PRDM6: variants seen among roughly 807,000 people sequenced by gnomAD.
PRDM6 encodes the protein PR/SET domain 6, also known as putative histone-lysine N-methyltransferase PRDM6.
Under a neutral mutation model 60.8 loss-of-function variants are expected in PRDM6, and 25 were observed. That is an observed-to-expected ratio of 0.41 (90% CI 0.30 to 0.57). The LOEUF (loss-of-function observed/expected upper bound fraction) is 0.57, where lower values mean the gene tolerates loss of function less well. Among genes scored for constraint, PRDM6 ranks in the 20% least tolerant of loss-of-function variants. PRDM6 has a pLI of 0.27. For missense variants in PRDM6, 839 were observed against 821.3 expected, an observed-to-expected ratio of 1.02 and a Z score of -0.26; for synonymous variants, 407 against 357.4, an observed-to-expected ratio of 1.14 and a Z score of -1.57.
At chr5:123,154,462 G>C (rs1044486558) in intron 3 of PRDM6, among the ~76,000 whole-genome samples, 24 of 152,064 alleles carry the variant, frequency 1.6e-4, no homozygotes, top group African/African-American at 5.8e-4. Context: ...TGTGGGGTTA[G>C]TGGAAAGGTT....
chr5:123,185,908 A>G (rs1011950849), intron 7 of PRDM6, among the ~76,000 whole-genome samples: 2 of 152,260 alleles, frequency 1.3e-5, no homozygotes, highest in South Asian at 2.1e-4. Flanking sequence ...AGACTATGTC[A>G]TGGTGGCTTT....
intron 3 of PRDM6, among the ~76,000 whole-genome samples, chr5:123,145,809 G>A (rs1765225728): frequency 6.6e-6 from 1 of 152,190 alleles, no homozygotes; most frequent in Non-Finnish European, 1.5e-5. Context: ...CTTTGTTGGT[G>A]TGGTTAGGAA....
Position 123,093,425 on chromosome 5 carries a change from G to A in PRDM6, c.592+2819G>A, listed in dbSNP as rs1253991765. Among the ~76,000 whole-genome samples the A allele has an allele frequency of 2.0e-5, 3 of 152,094 alleles. No individual in the cohort carries two copies. In the East Asian group the frequency reaches 5.8e-4, roughly 29 times the overall value. On this transcript the variant is annotated intron_variant, in intron 2 of 7. Transcript: ENST00000407847. ...TCTATGGTAAATGTCACAGTGATGG[G>A]GCTTGTAGCTCTCTTTCGTTCTAAA...
chr5:123,123,100 C>G (rs936805019), intron 3 of PRDM6, among the ~76,000 whole-genome samples: 2 of 152,024 alleles, frequency 1.3e-5, no homozygotes, highest in African/African-American at 4.8e-5. Flanking sequence ...TTAATTTTGC[C>G]TAATTTACCC....
At position 123,187,280 on chromosome 5, in the gene PRDM6, C is replaced by A; in HGVS notation, c.*79C>A. 9.0e-7 allele frequency: 1 copy of A among 1,111,818 alleles called. No individual in the cohort carries two copies. The highest frequency in any genetic ancestry group is 1.4e-5 in the South Asian group (1 of 73,608). The allele number at this position is 1,111,818 out of a possible 1,614,324, so 68.9% of individuals were successfully genotyped here. The stretch of plus-strand genomic sequence containing the variant: ...GACACTTAAGCAAAACCAAAGATTT[C>A]CTCTGAGCAACTTTCAATCAGTCCC... On this transcript the variant is annotated 3_prime_UTR_variant, in exon 8 of 8. Coordinates refer to ENST00000407847, the MANE Select transcript of PRDM6 (RefSeq NM_001136239.4).
chr5:123,136,760 C>A (rs76401298), intron 3 of PRDM6, among the ~76,000 whole-genome samples: 1 of 152,164 alleles, frequency 6.6e-6, no homozygotes, highest in Non-Finnish European at 1.5e-5. Context: ...TATTTCCTCT[C>A]CATTTCTTTC....
chr5:123,115,592 A>G (rs1255083801), intron 3 of PRDM6, among the ~76,000 whole-genome samples: 3 of 152,204 alleles, frequency 2.0e-5, no homozygotes, highest in Non-Finnish European at 4.4e-5. Context: ...TTTTAAAAAG[A>G]AAAAAACAAG....
chr5:123,102,083 C>G (rs922748879), intron 3 of PRDM6, among the ~76,000 whole-genome samples: 3 of 152,042 alleles, frequency 2.0e-5, no homozygotes, highest in African/African-American at 7.2e-5. Flanking sequence ...AGGACATAAT[C>G]TATTTTTTTT....
At chr5:123,100,461 T>C (rs1477404678) in intron 3 of PRDM6, among the ~76,000 whole-genome samples, 2 of 152,176 alleles carry the variant, frequency 1.3e-5, no homozygotes, top group African/African-American at 2.4e-5. Context: ...TTTTCTCAGA[T>C]AAAAACAATT....
Position 123,130,179 on chromosome 5 carries a change from T to C in PRDM6, c.901-25705T>C, listed in dbSNP as rs148538268. Among the ~76,000 whole-genome samples the C allele has an allele frequency of 6.9e-3, 151 of 21,870 alleles. 1 individual carries two copies. The highest frequency in any genetic ancestry group is 0.024 in the African/African-American group (89 of 3,748). The allele number at this position is 21,870 out of a possible 152,430, so 14.3% of individuals were successfully genotyped here. Reference sequence around the variant, plus strand: ...CCCCTCCCCTCCCCTCCCCTCCCCTTCCCTTCCCTTCCCTTCCTCTCCCCT... The same window carrying C: ...CCCCTCCCCTCCCCTCCCCTCCCCTCCCCTTCCCTTCCCTTCCTCTCCCCT... On this transcript the variant is annotated intron_variant, in intron 3 of 7. Coordinates refer to ENST00000407847, the MANE Select transcript of PRDM6 (RefSeq NM_001136239.4).
intron 2 of PRDM6, among the ~76,000 whole-genome samples, chr5:123,098,525 C>T (rs1037876167): frequency 3.3e-5 from 5 of 152,222 alleles, no homozygotes; most frequent in African/African-American, 4.8e-5. Context: ...TTCCCGTGGC[C>T]GCCTGCCTCC....
intron 3 of PRDM6, among the ~76,000 whole-genome samples, chr5:123,141,980 T>C (rs1765113266): frequency 6.6e-6 from 1 of 152,174 alleles, no homozygotes; most frequent in Non-Finnish European, 1.5e-5. Context: ...GCTTAAACAT[T>C]TGCATAACTG....
rs1763991362 is a variant in PRDM6, at chr5:123,097,818, CCAGCGG to C, written c.593-1833_593-1828del. 2.0e-5 allele frequency among the ~76,000 whole-genome samples: 3 copies of C among 152,178 alleles called. No individual in the cohort carries two copies. In the South Asian group the frequency reaches 6.2e-4, roughly 32 times the overall value. On this transcript the variant is annotated intron_variant, in intron 2 of 7. Coordinates refer to ENST00000407847, the MANE Select transcript of PRDM6 (RefSeq NM_001136239.4). The stretch of plus-strand genomic sequence containing the variant: ...AAGAGGGCCTTTGTGCAAGGGAGGC[CCAGCGG>C]CATGGACACTTCTCTGCTTTCCGAA...
chr5:123,142,353 A>G (rs1174940736), intron 3 of PRDM6, among the ~76,000 whole-genome samples: 1 of 152,160 alleles, frequency 6.6e-6, no homozygotes, highest in Non-Finnish European at 1.5e-5. Flanking sequence ...AGTAGGTCAT[A>G]CAGTTAATAC....
chr5:123,091,911 T>C (rs1282905525), intron 2 of PRDM6, among the ~76,000 whole-genome samples: 1 of 151,730 alleles, frequency 6.6e-6, no homozygotes, highest in Non-Finnish European at 1.5e-5. Flanking sequence ...TATAGCTCTT[T>C]AAAGGATTCC....
chr5:123,123,976 G>GGT (rs143283912), intron 3 of PRDM6, among the ~76,000 whole-genome samples: 25,300 of 152,088 alleles, frequency 0.17, 2,549 homozygotes, highest in East Asian at 0.51. Context: ...GTTTAGAGTA[G>GGT]GTGACATTCC....
At chr5:123,141,609 C>T (rs993053094) in intron 3 of PRDM6, among the ~76,000 whole-genome samples, 1 of 151,950 alleles carries the variant, frequency 6.6e-6, no homozygotes, top group East Asian at 1.9e-4. Context: ...CTGAAGTCAC[C>T]CAGCTGAGAC....
chr5:123,122,638 T>C (rs907823019), intron 3 of PRDM6, among the ~76,000 whole-genome samples: 16 of 152,214 alleles, frequency 1.1e-4, no homozygotes, highest in African/African-American at 3.9e-4. Context: ...TGCAATTTTT[T>C]TATTACATAG....
chr5:123,183,252 A>G (rs1477464969), intron 7 of PRDM6, among the ~76,000 whole-genome samples: 1 of 152,200 alleles, frequency 6.6e-6, no homozygotes, highest in East Asian at 1.9e-4. Flanking sequence ...GATGCCCCAG[A>G]TGGCTCAGTC....
Sources: allele counts gnomAD v4.1 joint callset (sites outside exome capture counted in the v4.1 genomes callset), GRCh38; gene constraint gnomAD v4.1.1; transcripts MANE v1.5; gene names NCBI Gene and HGNC (gene_info 2026-07-23, HGNC 2026-07-21).